KCNQ3: variants seen among roughly 807,000 people sequenced by gnomAD.
KCNQ3 encodes potassium voltage-gated channel subfamily Q member 3.
Under a neutral mutation model 92.5 loss-of-function variants are expected in KCNQ3, and 30 were observed. That is an observed-to-expected ratio of 0.32 (90% CI 0.24 to 0.44). The LOEUF is 0.44. KCNQ3 is among the 20% of genes least tolerant of loss of function. The pLI is 1.00. For missense variants in KCNQ3, 913 were observed against 1,140.3 expected (o/e 0.80, Z 2.87); for synonymous variants, 450 against 468.8 (o/e 0.96, Z 0.52).
At chr8:132,138,457 A>G (rs1296429129) in intron 11 of KCNQ3, among the ~76,000 whole-genome samples, 1 of 152,182 alleles carries the variant, frequency 6.6e-6, no homozygotes, top group Non-Finnish European at 1.5e-5. Flanking sequence ...GCTCTTAATC[A>G]CTGTCACACT....
chr8:132,220,523 T>G (rs982419314), intron 1 of KCNQ3, among the ~76,000 whole-genome samples: 1 of 152,018 alleles, frequency 6.6e-6, no homozygotes, highest in South Asian at 2.1e-4. Context: ...CCGAGGCAGG[T>G]GGATTGCCTG....
At chr8:132,271,870 G>T (rs1192232243) in intron 1 of KCNQ3, among the ~76,000 whole-genome samples, 1 of 152,210 alleles carries the variant, frequency 6.6e-6, no homozygotes, top group Non-Finnish European at 1.5e-5. Context: ...GCAGGCTTGA[G>T]ATTGGAATGG....
At chr8:132,147,827 A>G (rs1224915944) in intron 9 of KCNQ3, among the ~76,000 whole-genome samples, 1 of 152,190 alleles carries the variant, frequency 6.6e-6, no homozygotes. Flanking sequence ...AGAACAGCCA[A>G]TCCCATTTAT....
intron 1 of KCNQ3, among the ~76,000 whole-genome samples, chr8:132,262,054 T>C (rs1362031545): frequency 1.3e-5 from 2 of 152,214 alleles, no homozygotes; most frequent in Non-Finnish European, 2.9e-5. Context: ...TGATACATGC[T>C]ACAATGTGGA....
intron 9 of KCNQ3, among the ~76,000 whole-genome samples, chr8:132,159,427 C>A (rs1825916770): frequency 6.6e-6 from 1 of 152,160 alleles, no homozygotes; most frequent in Non-Finnish European, 1.5e-5. Flanking sequence ...AGGTGGAAAT[C>A]TGGTCCAGAG....
chr8:132,343,433 G>A (rs1563869766), intron 1 of KCNQ3, among the ~76,000 whole-genome samples: 2 of 152,100 alleles, frequency 1.3e-5, no homozygotes, highest in Admixed American at 1.3e-4. Flanking sequence ...CACCAAGCTG[G>A]GGAAATACCC....
chr8:132,400,712 T>A (rs913800517), intron 1 of KCNQ3, among the ~76,000 whole-genome samples: 6 of 152,234 alleles, frequency 3.9e-5, no homozygotes, highest in Admixed American at 2.0e-4. Flanking sequence ...GGGGAGGGAA[T>A]AGTGGGAAAC....
intron 1 of KCNQ3, among the ~76,000 whole-genome samples, chr8:132,414,836 C>T (rs1359289197): frequency 6.6e-6 from 1 of 152,220 alleles, no homozygotes; most frequent in Non-Finnish European, 1.5e-5. Flanking sequence ...AGATCAAATA[C>T]ATGACAGCAA....
chr8:132,261,998 G>T (rs1395101764), intron 1 of KCNQ3, among the ~76,000 whole-genome samples: 1 of 152,172 alleles, frequency 6.6e-6, no homozygotes, highest in Non-Finnish European at 1.5e-5. Context: ...AATGTGGTAT[G>T]TCCATATGAT....
chr8:132,243,463 T>C (rs1406727796), intron 1 of KCNQ3, among the ~76,000 whole-genome samples: 5 of 152,196 alleles, frequency 3.3e-5, no homozygotes, highest in Non-Finnish European at 4.4e-5. Context: ...AGGTTTGTGG[T>C]CAAAAAAGGA....
At chr8:132,262,038 AAGTACTG>A (rs1815804409) in intron 1 of KCNQ3, among the ~76,000 whole-genome samples, 1 of 152,224 alleles carries the variant, frequency 6.6e-6, no homozygotes, top group Non-Finnish European at 1.5e-5. Context: ...AAAAAGAATA[AAGTACTG>A]ATACATGCTA....
chr8:132,399,023 C>T (rs968019508), intron 1 of KCNQ3, among the ~76,000 whole-genome samples: 4 of 152,180 alleles, frequency 2.6e-5, no homozygotes, highest in Non-Finnish European at 5.9e-5. Context: ...TGTCAAGTGC[C>T]TTTGAGACAG....
intron 3 of KCNQ3, among the ~76,000 whole-genome samples, chr8:132,181,151 T>C (rs1227431701): frequency 6.6e-6 from 1 of 152,138 alleles, no homozygotes; most frequent in Non-Finnish European, 1.5e-5. Flanking sequence ...ATTTCAGAGA[T>C]GGAAAAAGGG....
chr8:132,462,576 T>C (rs1822086973), intron 1 of KCNQ3, among the ~76,000 whole-genome samples: 1 of 152,208 alleles, frequency 6.6e-6, no homozygotes, highest in South Asian at 2.1e-4. Flanking sequence ...CAACAGTCAG[T>C]GAGTGGCAGT....
intron 1 of KCNQ3, among the ~76,000 whole-genome samples, chr8:132,479,574 C>T (rs1822494610): frequency 6.6e-6 from 1 of 151,884 alleles, no homozygotes; most frequent in African/African-American, 2.4e-5. Context: ...CAGAGCAGCA[C>T]CAGGTTCTTC....
intron 1 of KCNQ3, among the ~76,000 whole-genome samples, chr8:132,455,658 A>G (rs1005646472): frequency 1.3e-5 from 2 of 152,324 alleles, no homozygotes; most frequent in African/African-American, 2.4e-5. Flanking sequence ...TTACACTCTC[A>G]TTGTGCCCAG....
At chr8:132,407,789 C>T (rs546048394) in intron 1 of KCNQ3, among the ~76,000 whole-genome samples, 1 of 152,294 alleles carries the variant, frequency 6.6e-6, no homozygotes, top group South Asian at 2.1e-4. Context: ...GAGTCTAGCT[C>T]GGCAGGTCTG....
In KCNQ3 at chr8:132,174,329, G is replaced by T. The variant is rs143224896; in HGVS notation, c.954C>A (p.Gly318=). 1.7e-5 allele frequency: 27 copies of T among 1,551,956 alleles called. No individual in the cohort carries two copies. In the African/African-American group the frequency reaches 2.7e-4, roughly 16 times the overall value. The change falls in exon 6 of 15, where the codon GGC becomes GGA. Residue 318 remains glycine, a synonymous_variant. Coordinates refer to ENST00000388996, the MANE Select transcript of KCNQ3 (RefSeq NM_004519.4). ...ACGTTTTGGGTGTCTTGTCTCCATA[G>T]CCAATGGTGGCCAGTGTGATCTGAA... ...WWGLITLATI[G]YGDKTPKTWE...
chr8:132,218,735 T>G (rs1340713320), intron 1 of KCNQ3, among the ~76,000 whole-genome samples: 1 of 152,178 alleles, frequency 6.6e-6, no homozygotes, highest in Admixed American at 6.5e-5. Flanking sequence ...GTAGCAAATA[T>G]TCCTGGAAAT....
Sources: allele counts gnomAD v4.1 joint callset (sites outside exome capture counted in the v4.1 genomes callset), GRCh38; gene constraint gnomAD v4.1.1; transcripts MANE v1.5; gene names NCBI Gene and HGNC (gene_info 2026-07-23, HGNC 2026-07-21).